NAV3: variants seen among roughly 807,000 people sequenced by gnomAD.
NAV3 encodes the protein neuron navigator 3.
NAV3 carries 87 observed loss-of-function variants against 244.7 expected under a neutral mutation model. The observed-to-expected ratio is 0.36, with a 90% confidence interval of 0.30 to 0.42. The LOEUF (loss-of-function observed/expected upper bound fraction) is 0.42. Among genes scored for constraint, NAV3 ranks in the 20% least tolerant of loss-of-function variants. The pLI, the probability that NAV3 is intolerant of heterozygous loss-of-function variation, is 1.00. For missense variants in NAV3, 2,663 were observed against 2,893.3 expected (o/e 0.92, Z 1.83); for synonymous variants, 1,126 against 1,042.2 (o/e 1.08, Z -1.55).
chr12:77,920,040 G>A (rs1243628274), intron 1 of NAV3, among the ~76,000 whole-genome samples: 1 of 151,974 alleles, frequency 6.6e-6, no homozygotes, highest in Non-Finnish European at 1.5e-5. Context: ...TCAACTGCAC[G>A]TGAAATATAG....
At position 77,819,642 on chromosome 12, in the gene NAV3, T is replaced by C. The variant is rs979062932; in HGVS notation, c.73-120677T>C. Reference sequence around the variant, plus strand: ...ATTGAGGAGGGGATTAAAAATGAAATGTTTTATGAAAATATTTAGCAAGAC... The same window carrying C: ...ATTGAGGAGGGGATTAAAAATGAAACGTTTTATGAAAATATTTAGCAAGAC... On this transcript the variant is annotated intron_variant, in intron 2 of 8. Transcript: ENST00000550042. 2.6e-5 allele frequency among the ~76,000 whole-genome samples: 4 copies of C among 152,070 alleles called. 1 individual carries two copies. The highest frequency in any genetic ancestry group is 5.9e-5 in the Non-Finnish European group (4 of 68,010).
rs143169064 is a variant in NAV3, at chr12:78,108,428, A to T, written c.2637-8344A>T. On this transcript the variant is annotated intron_variant, in intron 12 of 39. Transcript: ENST00000397909. ...CAAAAAATCAACCAGTAAATTTTAG[A>T]TTTAAACTAGATTTTAGACCAAATG... Among the ~76,000 whole-genome samples, 271 of 152,264 alleles carry T rather than the reference A, an allele frequency of 1.8e-3. 4 individuals are homozygous for T. The East Asian group carries it at 0.028, about 16-fold the overall frequency.
Position 77,940,387 on chromosome 12 carries a change from A to G in NAV3, c.312A>G (p.Gln104=), listed in dbSNP as rs1889754110. Residue 104 remains glutamine (Q), a synonymous_variant, in exon 2 of 40, where the codon CAA becomes CAG. Coordinates refer to ENST00000397909, the MANE Select transcript of NAV3 (RefSeq NM_001024383.2). Reference sequence around the variant, plus strand: ...ACAAGCGGCTGATCAAGGACTTGCAACAAGACATTGCAGATGGAGTACTCC... The same window carrying G: ...ACAAGCGGCTGATCAAGGACTTGCAGCAAGACATTGCAGATGGAGTACTCC... The part of the protein sequence containing the change: ...SGHKRLIKDL[Q]QDIADGVLLA... 1.9e-6 allele frequency: 3 copies of G among 1,613,946 alleles called. No homozygotes were observed. The highest frequency in any genetic ancestry group is 2.5e-6 in the Non-Finnish European group (3 of 1,179,846).
chr12:78,074,776 T>C (rs1357404819), intron 12 of NAV3, among the ~76,000 whole-genome samples: 1 of 152,154 alleles, frequency 6.6e-6, no homozygotes, highest in Non-Finnish European at 1.5e-5. Context: ...CCAATTGGCA[T>C]TTGGTATTCT....
At chr12:78,024,668 A>G (rs957390639) in intron 9 of NAV3, among the ~76,000 whole-genome samples, 3 of 152,030 alleles carry the variant, frequency 2.0e-5, no homozygotes, top group Non-Finnish European at 2.9e-5. Flanking sequence ...TCATTTCTCC[A>G]ACCTTAATTT....
intron 22 of NAV3, among the ~76,000 whole-genome samples, chr12:78,157,957 A>G (rs1957375587): frequency 6.6e-6 from 1 of 152,182 alleles, no homozygotes; most frequent in Non-Finnish European, 1.5e-5. Flanking sequence ...GGATGAATTC[A>G]GAGCTAGGAA....
intron 2 of NAV3, among the ~76,000 whole-genome samples, chr12:77,593,340 A>C (rs995891692): frequency 8.6e-5 from 13 of 151,472 alleles, no homozygotes; most frequent in African/African-American, 3.2e-4. Context: ...GCTGATTACA[A>C]CTTATTTTTA....
chr12:78,049,624 G>A (rs1882429984), intron 9 of NAV3, among the ~76,000 whole-genome samples: 1 of 152,160 alleles, frequency 6.6e-6, no homozygotes. Context: ...TGATCTCACT[G>A]GGAGCAGCAG....
intron 2 of NAV3, among the ~76,000 whole-genome samples, chr12:77,671,511 C>G (rs1420095646): frequency 6.6e-6 from 1 of 152,096 alleles, no homozygotes; most frequent in Non-Finnish European, 1.5e-5. Context: ...TGACTTCAAA[C>G]TATACTATAA....
In NAV3 at chr12:77,691,335, G is replaced by GTATATA. The variant is rs1455098694; in HGVS notation, c.72+119070_72+119071insATATAT. Among the ~76,000 whole-genome samples, 421 of 103,456 alleles carry GTATATA rather than the reference G, an allele frequency of 4.1e-3. 11 individuals carry two copies. Among genetic ancestry groups the GTATATA allele is most frequent in the African/African-American group, 0.014 (403 of 28,710 alleles). The allele number at this position is 103,456 out of a possible 152,430, so 67.9% of individuals were successfully genotyped here. On this transcript the variant is annotated intron_variant, in intron 2 of 8. Transcript: ENST00000550042. ...GTCATATATAAGTATTTGTGTATGT[G>GTATATA]TGTATATATATATATATATACATAT...
intron 2 of NAV3, among the ~76,000 whole-genome samples, chr12:77,656,166 T>C (rs79243062): frequency 6.7e-6 from 1 of 148,786 alleles, no homozygotes; most frequent in African/African-American, 2.5e-5. Flanking sequence ...GACTGGCAAA[T>C]TGGATAAAGA....
At chr12:78,119,091 T>C in intron 14 of NAV3, 146 bp from the exon 15 acceptor site, 2 of 883,698 alleles carry the variant, frequency 2.3e-6, no homozygotes, top group Non-Finnish European at 3.4e-6. Context: ...CTCAGTCCTC[T>C]CAATATATGA....
chr12:78,082,792 T>C (rs1381394215), intron 12 of NAV3, among the ~76,000 whole-genome samples: 2 of 152,208 alleles, frequency 1.3e-5, no homozygotes, highest in Non-Finnish European at 2.9e-5. Flanking sequence ...CATAATCCAC[T>C]GTTGGCTGAA....
intron 1 of NAV3, among the ~76,000 whole-genome samples, chr12:77,897,967 A>G (rs898960510): frequency 1.3e-5 from 2 of 152,270 alleles, no homozygotes; most frequent in African/African-American, 4.8e-5. Context: ...GGATGACTTT[A>G]GGTCACAAGG....
intron 23 of NAV3, among the ~76,000 whole-genome samples, chr12:78,163,929 C>A (rs189883514): frequency 4.9e-4 from 74 of 152,164 alleles, no homozygotes; most frequent in Middle Eastern, 6.8e-3. Flanking sequence ...GAAATAACTT[C>A]TTTTCTCACC....
intron 12 of NAV3, among the ~76,000 whole-genome samples, chr12:78,079,014 C>G (rs2137790169): frequency 6.6e-6 from 1 of 152,288 alleles, no homozygotes; most frequent in Non-Finnish European, 1.5e-5. Context: ...GATCAAAAGG[C>G]TTATACACAA....
chr12:77,629,911 A>G (rs1489674271), intron 2 of NAV3, among the ~76,000 whole-genome samples: 1 of 152,134 alleles, frequency 6.6e-6, no homozygotes, highest in African/African-American at 2.4e-5. Flanking sequence ...GGGTACTGCA[A>G]ACAAATACTA....
intron 2 of NAV3, among the ~76,000 whole-genome samples, chr12:77,679,818 T>C (rs1874372133): frequency 6.6e-6 from 1 of 152,048 alleles, no homozygotes; most frequent in South Asian, 2.1e-4. Context: ...AAAAATCAAG[T>C]TGGATTAGGA....
chr12:77,948,875 A>C (rs1890614237), intron 3 of NAV3, among the ~76,000 whole-genome samples: 1 of 151,960 alleles, frequency 6.6e-6, no homozygotes, highest in Non-Finnish European at 1.5e-5. Context: ...TTTTTCAATA[A>C]TAAGAAAAAA....
Sources: allele counts gnomAD v4.1 joint callset (sites outside exome capture counted in the v4.1 genomes callset), GRCh38; gene constraint gnomAD v4.1.1; transcripts MANE v1.5; gene names NCBI Gene and HGNC (gene_info 2026-07-23, HGNC 2026-07-21).